IGF1R: variants seen among roughly 807,000 people sequenced by gnomAD.
IGF1R encodes insulin like growth factor 1 receptor, also known as insulin-like growth factor 1 receptor.
IGF1R carries 44 observed loss-of-function variants against 144.6 expected under a neutral mutation model. The observed-to-expected ratio is 0.30, with a 90% CI of 0.24 to 0.39. The LOEUF is 0.39. Among genes scored for constraint, IGF1R ranks in the 10% least tolerant of loss-of-function variants. The pLI is 1.00. For missense variants in IGF1R, 1,355 were observed against 1,833.7 expected, an observed-to-expected ratio of 0.74 and a Z score of 4.77; for synonymous variants, 795 against 722.8, an observed-to-expected ratio of 1.10 and a Z score of -1.60.
intron 2 of IGF1R, chr15:98,824,233 T>A (rs1244429712): frequency 1.3e-5 from 2 of 152,204 alleles, no homozygotes; most frequent in African/African-American, 4.8e-5. Context: ...GTTCCTCTCC[T>A]CACTTGCTGG....
At chr15:98,766,354 C>G (rs1451745936) in intron 2 of IGF1R, among the ~76,000 whole-genome samples, 1 of 152,202 alleles carries the variant, frequency 6.6e-6, no homozygotes, top group African/African-American at 2.4e-5. Context: ...TCTTCTGTCT[C>G]TTTTCTGATT....
intron 2 of IGF1R, among the ~76,000 whole-genome samples, chr15:98,735,967 C>T (rs2054599652): frequency 1.3e-5 from 2 of 152,200 alleles, no homozygotes; most frequent in South Asian, 4.1e-4. Flanking sequence ...ATTAAGCAGA[C>T]ACATCAAATT....
At chr15:98,660,570 T>G (rs959928762) in intron 1 of IGF1R, 1 of 152,244 alleles carries the variant, frequency 6.6e-6, no homozygotes, top group Non-Finnish European at 1.5e-5. Flanking sequence ...GTACAACAAA[T>G]TTATTTTCAT....
At chr15:98,796,255 TAC>T (rs2056238698) in intron 2 of IGF1R, among the ~76,000 whole-genome samples, 1 of 151,718 alleles carries the variant, frequency 6.6e-6, no homozygotes, top group Non-Finnish European at 1.5e-5. Context: ...CAGAAAGTAA[TAC>T]AGTAAAGGCG....
intron 13 of IGF1R, 36 bp downstream of exon 13, chr15:98,924,720 C>G (rs760586292): frequency 1.3e-6 from 2 of 1,592,020 alleles, no homozygotes; most frequent in Non-Finnish European, 1.7e-6. Flanking sequence ...CGTGGTAAAA[C>G]TGAAAGCAGG....
chr15:98,757,148 T>G lies in IGF1R; in HGVS notation c.640+49041T>G, dbSNP rs569833879. On this transcript the variant is annotated intron_variant, in intron 2 of 20. Coordinates refer to ENST00000650285, the MANE Select transcript of IGF1R (RefSeq NM_000875.5). ...ATGTTTTCAGTTGTCAAATTGACAG[T>G]TAATGATGCACCTTTTATAATTTTT... 1.5e-3 allele frequency among the ~76,000 whole-genome samples: 226 copies of G among 152,282 alleles called. 1 individual carries two copies. Among genetic ancestry groups the G allele is most frequent in the African/African-American group, 5.3e-3 (219 of 41,572 alleles).
chr15:98,697,711 G>A (rs1459009181), intron 1 of IGF1R, among the ~76,000 whole-genome samples: 2 of 68,710 alleles, frequency 2.9e-5, no homozygotes, highest in African/African-American at 1.1e-4. Flanking sequence ...AAATTGTGGT[G>A]AAATACGTAT....
rs201361369 is a variant in IGF1R, at chr15:98,850,426, TG to T, written c.641-40891del. ...GGAATATGTGGGTTCTGCAGACACC[TG>T]GGGGGGGCACCACCTGGTAAATCTG... On this transcript the variant is annotated intron_variant, in intron 2 of 20. Coordinates refer to ENST00000650285, the MANE Select transcript of IGF1R (RefSeq NM_000875.5). Among the ~76,000 whole-genome samples, 10 of 151,742 alleles carry T rather than the reference TG, an allele frequency of 6.6e-5. No homozygotes were observed. In the South Asian group the frequency reaches 1.7e-3, roughly 25 times the overall value.
chr15:98,947,785 C>G (rs1027458248), intron 19 of IGF1R, among the ~76,000 whole-genome samples: 5 of 152,162 alleles, frequency 3.3e-5, no homozygotes, highest in African/African-American at 4.8e-5. Context: ...CCATGATACC[C>G]CCTCCCAGCC....
intron 2 of IGF1R, among the ~76,000 whole-genome samples, chr15:98,839,892 TTCACCTGGGAA>T (rs1374506224): frequency 6.6e-6 from 1 of 152,250 alleles, no homozygotes; most frequent in African/African-American, 2.4e-5. Context: ...GGTTCTTCAT[TTCACCTGGGAA>T]AGAAAATAAT....
At chr15:98,787,643 C>G (rs1378646265) in intron 2 of IGF1R, among the ~76,000 whole-genome samples, 1 of 151,278 alleles carries the variant, frequency 6.6e-6, no homozygotes, top group Non-Finnish European at 1.5e-5. Flanking sequence ...AAACAGAGAC[C>G]TCTCACCCTA....
chr15:98,892,698 A>G (rs2013989103), intron 3 of IGF1R, among the ~76,000 whole-genome samples: 2 of 152,096 alleles, frequency 1.3e-5, no homozygotes, highest in African/African-American at 2.4e-5. Context: ...AAGATTGGAG[A>G]TTTGGGGTTG....
intron 2 of IGF1R, among the ~76,000 whole-genome samples, chr15:98,830,603 A>ATTTTTTTTTTTTTTTTTT (rs1555450173): frequency 1.6e-4 from 21 of 133,716 alleles, no homozygotes; most frequent in African/African-American, 6.2e-4. Context: ...TCTGATCATC[A>ATTTTTTTTTTTTTTTTTT]TCTTTTTTTT....
chr15:98,827,878 G>A (rs149867194), intron 2 of IGF1R, among the ~76,000 whole-genome samples: 20 of 152,332 alleles, frequency 1.3e-4, no homozygotes, highest in African/African-American at 4.6e-4. Flanking sequence ...ACCGCGCCCG[G>A]CCTAAGATTT....
intron 17 of IGF1R, among the ~76,000 whole-genome samples, chr15:98,938,685 G>T (rs1211095364): frequency 6.6e-6 from 1 of 152,194 alleles, no homozygotes; most frequent in African/African-American, 2.4e-5. Context: ...GAAGAAGGTT[G>T]AAGGGAAAGA....
chr15:98,938,175 T>C (rs2016229115), intron 17 of IGF1R, among the ~76,000 whole-genome samples: 1 of 152,228 alleles, frequency 6.6e-6, no homozygotes, highest in African/African-American at 2.4e-5. Context: ...TTTCTGTGCG[T>C]GGCCCCAGGT....
intron 2 of IGF1R, among the ~76,000 whole-genome samples, chr15:98,738,570 C>T (rs114631593): frequency 0.01 from 1,592 of 152,300 alleles, 31 homozygotes; most frequent in African/African-American, 0.035. Flanking sequence ...GGATTTTAGT[C>T]CTGACTTGTG....
intron 2 of IGF1R, among the ~76,000 whole-genome samples, chr15:98,762,294 C>G (rs1233985909): frequency 7.2e-6 from 1 of 138,802 alleles, no homozygotes; most frequent in Non-Finnish European, 1.5e-5. Context: ...CTGGAGTGCA[C>G]TGGCACGCGC....
At chr15:98,697,267 A>G (rs892050299) in intron 1 of IGF1R, among the ~76,000 whole-genome samples, 1 of 152,200 alleles carries the variant, frequency 6.6e-6, no homozygotes, top group Non-Finnish European at 1.5e-5. Context: ...CTGCCCTTGA[A>G]ACATCAGATA....
Sources: allele counts gnomAD v4.1 joint callset (sites outside exome capture counted in the v4.1 genomes callset), GRCh38; gene constraint gnomAD v4.1.1; transcripts MANE v1.5; gene names NCBI Gene and HGNC (gene_info 2026-07-23, HGNC 2026-07-21).